Variants in MAGI2 observed in about 807,000 individuals in gnomAD.
The protein encoded by MAGI2 is membrane associated guanylate kinase, WW and PDZ domain containing 2, also known as membrane-associated guanylate kinase, WW and PDZ domain-containing protein 2.
Under a neutral mutation model 133.3 loss-of-function variants are expected in MAGI2, and 35 were observed. That is an observed-to-expected ratio of 0.26 (90% CI 0.20 to 0.35). The LOEUF (loss-of-function observed/expected upper bound fraction) is 0.35. MAGI2 is among the 10% of genes least tolerant of loss of function. The pLI is 1.00. For missense variants in MAGI2, 1,636 were observed against 1,863.4 expected (o/e 0.88, Z 2.25); for synonymous variants, 729 against 710.6 (o/e 1.03, Z -0.41).
At chr7:78,293,049 A>G (rs1796879849) in intron 9 of MAGI2, among the ~76,000 whole-genome samples, 1 of 152,234 alleles carries the variant, frequency 6.6e-6, no homozygotes, top group Admixed American at 6.5e-5. Context: ...CTGAAACACC[A>G]AAAGCAATGG....
intron 9 of MAGI2, among the ~76,000 whole-genome samples, chr7:78,342,874 G>A (rs568921817): frequency 6.6e-6 from 1 of 152,160 alleles, no homozygotes; most frequent in East Asian, 1.9e-4. Context: ...CAGTTTGATG[G>A]GTCCAGCAAA....
rs183179696 is a variant in MAGI2 at position 78,654,315 on chromosome 7, A to G, written c.419-27076T>C. On this transcript the variant is annotated intron_variant, in intron 2 of 21. Transcript: ENST00000354212. ...GAATTATGAGGATTAAATTGGTAAC[A>G]TTTATAAATTGCCTAAAATAGTATG... Among the ~76,000 whole-genome samples the G allele has an allele frequency of 8.5e-5, 13 of 152,272 alleles. 1 individual carries two copies. In the East Asian group the frequency reaches 2.3e-3, roughly 27 times the overall value.
At chr7:79,240,533 A>G (rs80178038) in intron 1 of MAGI2, among the ~76,000 whole-genome samples, 2,986 of 152,214 alleles carry the variant, frequency 0.02, 89 homozygotes, top group African/African-American at 0.069. Flanking sequence ...TGTGCAATTT[A>G]TCATTATTTT....
intron 1 of MAGI2, chr7:79,125,720 C>T: frequency 1.9e-6 from 1 of 525,758 alleles, no homozygotes. Flanking sequence ...GCTCTGGCCC[C>T]TATGATGGCC....
In MAGI2 at chr7:79,378,926, G is replaced by GTATATATATA. The variant is rs59388508; in HGVS notation, c.301+74084_301+74093dup. ...CTTTTATATATATATATGTGTGTGT[G>GTATATATATA]TATATATATATATATATATATATAT... On this transcript the variant is annotated intron_variant, in intron 1 of 21. Coordinates refer to ENST00000354212, the MANE Select transcript of MAGI2 (RefSeq NM_012301.4). Among the ~76,000 whole-genome samples, 113 of 94,414 alleles carry GTATATATATA rather than the reference G, an allele frequency of 1.2e-3. 1 individual carries two copies. The highest frequency in any genetic ancestry group is 1.5e-3 in the Non-Finnish European group (67 of 43,226). The allele number at this position is 94,414 out of a possible 152,430, so 61.9% of individuals were successfully genotyped here.
chr7:78,324,600 G>A (rs1272906563), intron 9 of MAGI2, among the ~76,000 whole-genome samples: 1 of 152,158 alleles, frequency 6.6e-6, no homozygotes, highest in Non-Finnish European at 1.5e-5. Context: ...AACTCTCAGT[G>A]AATGAGTGTT....
chr7:78,890,421 T>G (rs1796644932), intron 2 of MAGI2, among the ~76,000 whole-genome samples: 1 of 152,176 alleles, frequency 6.6e-6, no homozygotes, highest in South Asian at 2.1e-4. Context: ...TAACAGAATA[T>G]ACATTCTTTT....
intron 9 of MAGI2, among the ~76,000 whole-genome samples, chr7:78,270,854 G>A (rs1050598761): frequency 3.3e-5 from 5 of 152,214 alleles, no homozygotes; most frequent in South Asian, 2.1e-4. Flanking sequence ...TCAGCAACAC[G>A]TCTTATTTAT....
In MAGI2 at chr7:79,048,995, T is replaced by C. The variant is rs1812430086; in HGVS notation, c.302-41789A>G. 2.0e-5 allele frequency among the ~76,000 whole-genome samples: 3 copies of C among 152,134 alleles called. No homozygotes were observed. The South Asian group carries it at 6.2e-4, about 31-fold the overall frequency. On this transcript the variant is annotated intron_variant, in intron 1 of 21. Coordinates refer to ENST00000354212, the MANE Select transcript of MAGI2 (RefSeq NM_012301.4). Reference sequence around the variant, plus strand: ...CAAACAAAAACAGTTTAACAAAGAATAAACTGTTCTGTTGCTATGGTTTTT... The same window carrying C: ...CAAACAAAAACAGTTTAACAAAGAACAAACTGTTCTGTTGCTATGGTTTTT...
chr7:78,433,353 C>T (rs1799974224), intron 6 of MAGI2, among the ~76,000 whole-genome samples: 1 of 152,028 alleles, frequency 6.6e-6, no homozygotes. Flanking sequence ...CATTTAAGGA[C>T]ACCCTCTAAT....
chr7:78,610,122 T>C (rs1429816890), intron 3 of MAGI2, among the ~76,000 whole-genome samples: 2 of 152,100 alleles, frequency 1.3e-5, no homozygotes, highest in Non-Finnish European at 2.9e-5. Context: ...ATGGGAGAAA[T>C]GGTACCACAT....
At chr7:78,960,917 T>A (rs541205282) in intron 2 of MAGI2, among the ~76,000 whole-genome samples, 2 of 152,220 alleles carry the variant, frequency 1.3e-5, no homozygotes, top group East Asian at 3.9e-4. Context: ...CTGGAATGAT[T>A]CCATACGACC....
intron 1 of MAGI2, among the ~76,000 whole-genome samples, chr7:79,198,565 C>A (rs577647275): frequency 6.6e-6 from 1 of 151,960 alleles, no homozygotes; most frequent in African/African-American, 2.4e-5. Context: ...TAGTCATACT[C>A]GCTTTCTTTG....
At chr7:78,335,374 T>C (rs1789653624) in intron 9 of MAGI2, among the ~76,000 whole-genome samples, 1 of 152,048 alleles carries the variant, frequency 6.6e-6, no homozygotes, top group Non-Finnish European at 1.5e-5. Context: ...AGAAAGAAAA[T>C]GCCCCAGAGA....
Position 78,897,035 on chromosome 7 carries a change from G to A in MAGI2, c.418+110055C>T, listed in dbSNP as rs1251402476. 5.3e-5 allele frequency among the ~76,000 whole-genome samples: 8 copies of A among 152,136 alleles called. No individual in the cohort carries two copies. The South Asian group carries it at 1.7e-3, about 31-fold the overall frequency. On this transcript the variant is annotated intron_variant, in intron 2 of 21. Coordinates refer to ENST00000354212, the MANE Select transcript of MAGI2 (RefSeq NM_012301.4). ...AATATATTTTATAAATGGCCGTTGAGTTTCCAGATTAGTTGGCCAAATCCT... is the reference window on the plus strand; with the variant it reads ...AATATATTTTATAAATGGCCGTTGAATTTCCAGATTAGTTGGCCAAATCCT...
intron 2 of MAGI2, among the ~76,000 whole-genome samples, chr7:78,648,909 G>A (rs1021035543): frequency 2.6e-5 from 4 of 152,060 alleles, no homozygotes; most frequent in Non-Finnish European, 5.9e-5. Context: ...TTTTGCTATA[G>A]AAACTTGTTA....
intron 4 of MAGI2, among the ~76,000 whole-genome samples, chr7:78,504,904 T>C (rs933080858): frequency 1.3e-5 from 2 of 152,124 alleles, no homozygotes; most frequent in African/African-American, 4.8e-5. Flanking sequence ...AAGAGTAATC[T>C]AAGCTGCAGA....
intron 6 of MAGI2, among the ~76,000 whole-genome samples, chr7:78,478,553 T>C (rs1307737034): frequency 6.6e-6 from 1 of 151,954 alleles, no homozygotes; most frequent in African/African-American, 2.4e-5. Flanking sequence ...TACGTGAGAA[T>C]ATTTTCAAGT....
At chr7:78,282,260 T>C (rs1345105194) in intron 9 of MAGI2, among the ~76,000 whole-genome samples, 2 of 152,154 alleles carry the variant, frequency 1.3e-5, no homozygotes, top group Admixed American at 6.6e-5. Flanking sequence ...CTGGTTCTTC[T>C]ACCACTCGGA....
Sources: gnomAD v4.1 joint callset for allele counts (sites outside exome capture counted in the v4.1 genomes callset) on GRCh38, gnomAD v4.1.1 for gene constraint, MANE v1.5 for transcripts, NCBI Gene and HGNC (gene_info 2026-07-23, HGNC 2026-07-21) for gene names.